Variants in HMGCLL1 observed in about 807,000 individuals in gnomAD.
HMGCLL1 encodes 3-hydroxymethyl-3-methylglutaryl-CoA lyase, cytoplasmic.
HMGCLL1 carries 36 observed loss-of-function variants against 39.1 expected under a neutral mutation model. The ratio of observed to expected loss-of-function variants is 0.92; its 90% CI spans 0.71 to 1.22. HMGCLL1 has a LOEUF of 1.22. Among genes scored for constraint, HMGCLL1 ranks in the 50% most tolerant of loss-of-function variants. HMGCLL1 has a pLI of 0.00. For missense variants in HMGCLL1, 451 were observed against 416.5 expected, an observed-to-expected ratio of 1.08 and a Z score of -0.72; for synonymous variants, 149 against 144.0, an observed-to-expected ratio of 1.03 and a Z score of -0.25.
intron 3 of HMGCLL1, among the ~76,000 whole-genome samples, chr6:55,522,477 A>G (rs1037122861): frequency 1.3e-5 from 2 of 151,990 alleles, no homozygotes; most frequent in Non-Finnish European, 1.5e-5. Context: ...TGTTCAATAA[A>G]GTGAAATAAA....
At chr6:55,536,737 T>G (rs187233148) in intron 3 of HMGCLL1, among the ~76,000 whole-genome samples, 1 of 152,304 alleles carries the variant, frequency 6.6e-6, no homozygotes, top group East Asian at 1.9e-4. Context: ...ATTCAGGTTA[T>G]AGGTGTGGGA....
chr6:55,514,273 A>G (rs1289508803), intron 4 of HMGCLL1, 77 bp from the exon 5 acceptor site: 14 of 1,130,080 alleles, frequency 1.2e-5, no homozygotes, highest in Non-Finnish European at 1.6e-5. Flanking sequence ...AAGATTAACT[A>G]CTCTATGAAG....
At chr6:55,442,492 T>A (rs12192987) in intron 7 of HMGCLL1, among the ~76,000 whole-genome samples, 7 of 152,200 alleles carry the variant, frequency 4.6e-5, no homozygotes, top group Admixed American at 1.3e-4. Flanking sequence ...CCAAAGGGAC[T>A]GTGGGTTTTC....
In HMGCLL1 at chr6:55,544,365, T is replaced by C. The variant is rs139858126; in HGVS notation, c.109-2225A>G. Among the ~76,000 whole-genome samples the C allele has an allele frequency of 3.6e-3, 551 of 152,276 alleles. 8 individuals are homozygous for C. The highest frequency in any genetic ancestry group is 0.013 in the African/African-American group (534 of 41,560). On this transcript the variant is annotated intron_variant, in intron 1 of 8. Transcript: ENST00000274901. ...GTTAAAGTCAGAAGCATACTCCATC[T>C]TTCCAGACTGTACCAACATAATCTC... is the stretch of plus-strand genomic sequence containing the variant.
At chr6:55,626,057 A>T in the HMGCLL1 span, among the ~76,000 whole-genome samples, 2 of 152,148 alleles carry the variant, frequency 1.3e-5, no homozygotes, top group Non-Finnish European at 2.9e-5. Context: ...GGCTATGGCC[A>T]CTGCTGAGTG....
chr6:55,476,045 G>A lies in HMGCLL1; in HGVS notation c.795+19374C>T, dbSNP rs185883657. On this transcript the variant is annotated intron_variant, in intron 7 of 8. Transcript: ENST00000274901. ...CTTCAGATTTGAAATTCCCCTTTTC[G>A]ATTGCCTTGGCTATTGTAGGCCATT... 1.1e-4 allele frequency among the ~76,000 whole-genome samples: 17 copies of A among 151,376 alleles called. No individual in the cohort carries two copies. The East Asian group carries it at 1.4e-3, about 12-fold the overall frequency.
chr6:55,605,588 G>A, the HMGCLL1 span, among the ~76,000 whole-genome samples: 3 of 152,088 alleles, frequency 2.0e-5, no homozygotes, highest in Admixed American at 1.3e-4. Flanking sequence ...TTGAGCTTAG[G>A]ATTATACTTC....
chr6:55,666,673 A>T, the HMGCLL1 span, among the ~76,000 whole-genome samples: 1 of 151,732 alleles, frequency 6.6e-6, no homozygotes, highest in South Asian at 2.1e-4. Context: ...TTTCCAAAGC[A>T]ATAAATCTCA....
At chr6:55,564,038 G>A (rs1440383342) in intron 1 of HMGCLL1, 1 of 443,374 alleles carries the variant, frequency 2.3e-6, no homozygotes, top group Admixed American at 2.4e-5. Flanking sequence ...AAAGCCTCAT[G>A]AAAGTGCATT....
chr6:55,508,138 G>C (rs1452286110), intron 5 of HMGCLL1, among the ~76,000 whole-genome samples: 1 of 151,694 alleles, frequency 6.6e-6, no homozygotes, highest in Non-Finnish European at 1.5e-5. Flanking sequence ...TGGAGGGCCT[G>C]GTTAACAAGG....
intron 3 of HMGCLL1, among the ~76,000 whole-genome samples, chr6:55,532,773 C>A (rs1768756386): frequency 6.7e-6 from 1 of 150,304 alleles, no homozygotes; most frequent in Non-Finnish European, 1.5e-5. Context: ...TGCACTCTAG[C>A]CTGGGCAACA....
intron 7 of HMGCLL1, among the ~76,000 whole-genome samples, chr6:55,441,827 A>T (rs1763609750): frequency 1.3e-5 from 2 of 151,910 alleles, no homozygotes; most frequent in African/African-American, 4.8e-5. Flanking sequence ...AGTAGCTGGG[A>T]TTATAGGTGC....
At chr6:55,657,754 G>T in the HMGCLL1 span, among the ~76,000 whole-genome samples, 4 of 151,980 alleles carry the variant, frequency 2.6e-5, no homozygotes, top group African/African-American at 9.7e-5. Flanking sequence ...CATATCATTT[G>T]CAGAAACATG....
At chr6:55,503,531 G>A (rs961746289) in intron 5 of HMGCLL1, among the ~76,000 whole-genome samples, 2 of 126,062 alleles carry the variant, frequency 1.6e-5, no homozygotes, top group African/African-American at 5.9e-5. Flanking sequence ...AAATTTCTGT[G>A]TGTGTAATGA....
the HMGCLL1 span, among the ~76,000 whole-genome samples, chr6:55,668,539 C>G: frequency 6.6e-6 from 1 of 151,756 alleles, no homozygotes; most frequent in African/African-American, 2.4e-5. Flanking sequence ...ATGTACTGGA[C>G]TATGAGGAGT....
upstream of HMGCLL1, among the ~76,000 whole-genome samples, chr6:55,580,044 T>C (rs1181978408): frequency 6.6e-6 from 1 of 152,140 alleles, no homozygotes; most frequent in Non-Finnish European, 1.5e-5. Context: ...CCTAGGGTCT[T>C]CCGGAGACCC....
intron 3 of HMGCLL1, among the ~76,000 whole-genome samples, chr6:55,539,857 AGG>A (rs1380115737): frequency 8.4e-6 from 1 of 118,370 alleles, no homozygotes; most frequent in Non-Finnish European, 1.8e-5. Flanking sequence ...TGAAAGAAAG[AGG>A]AAGAAAGAAA....
At chr6:55,579,969 C>A (rs1199747654), upstream of HMGCLL1, among the ~76,000 whole-genome samples, 1 of 152,138 alleles carries the variant, frequency 6.6e-6, no homozygotes. Context: ...TAATAATCTT[C>A]GCAGTGGGTT....
chr6:55,632,461 T>A, the HMGCLL1 span, among the ~76,000 whole-genome samples: 28 of 151,116 alleles, frequency 1.9e-4, no homozygotes, highest in Admixed American at 1.3e-3. Context: ...TAAAGTTATA[T>A]ATATAATTCA....
Sources: gnomAD v4.1 joint callset for allele counts (sites outside exome capture counted in the v4.1 genomes callset) on GRCh38, gnomAD v4.1.1 for gene constraint, MANE v1.5 for transcripts, NCBI Gene and HGNC (gene_info 2026-07-23, HGNC 2026-07-21) for gene names.